CHN2: variants seen among roughly 807,000 people sequenced by gnomAD.
The protein encoded by CHN2 is chimerin 2.
Under a neutral mutation model 56.3 loss-of-function variants are expected in CHN2, and 35 were observed. The observed-to-expected ratio is 0.62, with a 90% CI of 0.47 to 0.82. The LOEUF is 0.82. CHN2 is among the 40% of genes least tolerant of loss of function. The probability of loss-of-function intolerance (pLI) is 0.00; values close to 1 mark genes in which losing one functional copy is unlikely to be tolerated. For missense variants in CHN2, 491 were observed against 580.5 expected (o/e 0.85, Z 1.58); for synonymous variants, 210 against 212.8 (o/e 0.99, Z 0.12).
At chr7:29,323,313 C>G (rs573659849) in intron 1 of CHN2, among the ~76,000 whole-genome samples, 5 of 152,338 alleles carry the variant, frequency 3.3e-5, no homozygotes, top group African/African-American at 1.2e-4. Context: ...ACTCAACTTT[C>G]TTCAGTTGTG....
At chr7:29,254,837 G>C (rs1006321277) in intron 1 of CHN2, among the ~76,000 whole-genome samples, 1 of 152,150 alleles carries the variant, frequency 6.6e-6, no homozygotes, top group Admixed American at 6.5e-5. Context: ...GTGCAAGGGA[G>C]TCTGGGAAAT....
intron 7 of CHN2, among the ~76,000 whole-genome samples, chr7:29,489,256 G>A (rs530718454): frequency 2.5e-4 from 38 of 152,232 alleles, no homozygotes; most frequent in African/African-American, 8.7e-4. Flanking sequence ...TGTGGTTTTT[G>A]AATTCCAGGC....
rs76969404 is a variant in CHN2, at chr7:29,410,357, A to C, written c.576+9529A>C. ...GGTTTTTGGCTGTGAGTAAAATATT[A>C]ATGTTTGTTTATTAGTCTAGGTGGG... On this transcript the variant is annotated intron_variant, in intron 6 of 12. Coordinates refer to ENST00000222792, the MANE Select transcript of CHN2 (RefSeq NM_004067.4). 9.8e-3 allele frequency among the ~76,000 whole-genome samples: 1,486 copies of C among 152,088 alleles called. 9 individuals are homozygous for C. Among genetic ancestry groups the C allele is most frequent in the Middle Eastern group, 0.014 (4 of 294 alleles).
intron 6 of CHN2, among the ~76,000 whole-genome samples, chr7:29,466,056 T>G (rs1785520259): frequency 6.6e-6 from 1 of 151,948 alleles, no homozygotes. Context: ...ATATGAAAAT[T>G]AGCAAGGTGT....
chr7:29,279,000 C>T (rs1267962210), intron 1 of CHN2, among the ~76,000 whole-genome samples: 3 of 152,124 alleles, frequency 2.0e-5, no homozygotes, highest in Non-Finnish European at 4.4e-5. Context: ...CAGCTGTCCC[C>T]CCCCAACCCC....
intron 3 of CHN2, among the ~76,000 whole-genome samples, chr7:29,378,554 T>C (rs1800247756): frequency 6.6e-6 from 1 of 152,254 alleles, no homozygotes; most frequent in South Asian, 2.1e-4. Context: ...CATGCTACCA[T>C]GGCAGAGCTG....
intron 3 of CHN2, among the ~76,000 whole-genome samples, chr7:29,387,558 T>G (rs944254018): frequency 7.2e-5 from 11 of 152,206 alleles, no homozygotes; most frequent in African/African-American, 2.7e-4. Flanking sequence ...TATCTATGAA[T>G]CCCCTTAGAA....
At chr7:29,281,800 GGTT>G (rs1791740576) in intron 1 of CHN2, among the ~76,000 whole-genome samples, 1 of 152,170 alleles carries the variant, frequency 6.6e-6, no homozygotes, top group African/African-American at 2.4e-5. Flanking sequence ...ATTTATCAGG[GGTT>G]GTTTTGACAC....
chr7:29,370,479 C>T (rs574391481), intron 3 of CHN2, among the ~76,000 whole-genome samples: 2 of 152,132 alleles, frequency 1.3e-5, no homozygotes, highest in South Asian at 4.1e-4. Context: ...TACATCTCAT[C>T]CGTTAGCTAA....
chr7:29,203,495 A>T (rs1345471466), intron 1 of CHN2, among the ~76,000 whole-genome samples: 2 of 147,028 alleles, frequency 1.4e-5, no homozygotes, highest in African/African-American at 2.5e-5. Flanking sequence ...AAAAAAAAGG[A>T]TCTATTAAGC....
At position 29,403,720 on chromosome 7, in the gene CHN2, C is replaced by T. The variant is rs563661686; in HGVS notation, c.576+2892C>T. 3.0e-4 allele frequency among the ~76,000 whole-genome samples: 46 copies of T among 152,146 alleles called. No individual in the cohort carries two copies. The East Asian group carries it at 3.5e-3, about 11-fold the overall frequency. ...TAGCCAATAGTGATCCGTCTCCCCA[C>T]TGATTCTTTATTTAGTTGGATTTAA... On this transcript the variant is annotated intron_variant, in intron 6 of 12. Transcript: ENST00000222792.
Position 29,430,806 on chromosome 7 carries a change from A to G in CHN2, c.576+29978A>G, listed in dbSNP as rs1782794279. ...GATGATAGCAAAAAAAAAAAAAAAA[A>G]AAAAAGGGGACTTCTCCACTTCTCC... On this transcript the variant is annotated intron_variant, in intron 6 of 12. Transcript: ENST00000222792. 2.0e-5 allele frequency among the ~76,000 whole-genome samples: 3 copies of G among 150,768 alleles called. No individual in the cohort carries two copies. The South Asian group carries it at 6.3e-4, about 32-fold the overall frequency.
At chr7:29,194,133 C>G (rs999834370), upstream of CHN2, 1 of 152,862 alleles carries the variant, frequency 6.5e-6, no homozygotes, top group Non-Finnish European at 1.5e-5. Flanking sequence ...TCCCCCACCC[C>G]CACTGTCTCG....
chr7:29,210,129 G>A (rs537681758), intron 1 of CHN2, among the ~76,000 whole-genome samples: 1 of 152,236 alleles, frequency 6.6e-6, no homozygotes, highest in Non-Finnish European at 1.5e-5. Flanking sequence ...GTTTCCTCTT[G>A]CCAATTTATG....
At chr7:29,282,728 A>T (rs1325171283) in intron 1 of CHN2, among the ~76,000 whole-genome samples, 2 of 152,120 alleles carry the variant, frequency 1.3e-5, no homozygotes, top group Non-Finnish European at 2.9e-5. Flanking sequence ...TATAGGCTTT[A>T]AAAAATATTT....
intron 2 of CHN2, among the ~76,000 whole-genome samples, chr7:29,161,013 T>C (rs559372280): frequency 6.6e-6 from 1 of 152,338 alleles, no homozygotes; most frequent in South Asian, 2.1e-4. Flanking sequence ...TTTTAAACTT[T>C]AATTTCTCAC....
chr7:29,248,022 G>A (rs1788204748), intron 1 of CHN2, among the ~76,000 whole-genome samples: 1 of 152,242 alleles, frequency 6.6e-6, no homozygotes, highest in Non-Finnish European at 1.5e-5. Flanking sequence ...AGAGCTCAGA[G>A]ACCAACCAGC....
chr7:29,287,391 G>T (rs1479284410), intron 1 of CHN2, among the ~76,000 whole-genome samples: 3 of 152,186 alleles, frequency 2.0e-5, no homozygotes, highest in African/African-American at 7.2e-5. Flanking sequence ...GACTCAGCCA[G>T]ATTTCTTGGG....
intron 1 of CHN2, among the ~76,000 whole-genome samples, chr7:29,340,161 C>G (rs1796931365): frequency 6.6e-6 from 1 of 151,972 alleles, no homozygotes; most frequent in Non-Finnish European, 1.5e-5. Flanking sequence ...TGAAGTTGTT[C>G]CATGAAATCG....
Sources: gnomAD v4.1 joint callset for allele counts (sites outside exome capture counted in the v4.1 genomes callset) on GRCh38, gnomAD v4.1.1 for gene constraint, MANE v1.5 for transcripts, NCBI Gene and HGNC (gene_info 2026-07-23, HGNC 2026-07-21) for gene names.